Variants in RORA observed in about 807,000 individuals in gnomAD.
The protein encoded by RORA is RAR related orphan receptor A.
RORA carries 7 observed loss-of-function variants against 69.5 expected under a neutral mutation model. The ratio of observed to expected loss-of-function variants is 0.10; its 90% confidence interval spans 0.06 to 0.19. RORA has a LOEUF of 0.19. Among genes scored for constraint, RORA ranks in the 10% least tolerant of loss-of-function variants. RORA has a pLI of 1.00. For missense variants in RORA, 457 were observed against 663.0 expected (o/e 0.69, Z 3.41); for synonymous variants, 261 against 240.8 (o/e 1.08, Z -0.78).
chr15:61,140,813 T>C (rs1321435735), intron 1 of RORA, among the ~76,000 whole-genome samples: 1 of 152,166 alleles, frequency 6.6e-6, no homozygotes, highest in Non-Finnish European at 1.5e-5. Flanking sequence ...GAAACTATTG[T>C]ACCTTCATAT....
chr15:60,920,965 G>T (rs2062093), intron 1 of RORA, among the ~76,000 whole-genome samples: 1 of 151,928 alleles, frequency 6.6e-6, no homozygotes, highest in Non-Finnish European at 1.5e-5. Flanking sequence ...TGGGGCTCAT[G>T]ATCAACCCAG....
intron 2 of RORA, among the ~76,000 whole-genome samples, chr15:60,609,315 G>A (rs1203792293): frequency 6.6e-6 from 1 of 152,134 alleles, no homozygotes; most frequent in Non-Finnish European, 1.5e-5. Flanking sequence ...TAGGGCTTTT[G>A]AATTAAAACG....
At chr15:61,114,057 T>C (rs1245501090) in intron 1 of RORA, among the ~76,000 whole-genome samples, 3 of 152,198 alleles carry the variant, frequency 2.0e-5, no homozygotes, top group Non-Finnish European at 4.4e-5. Context: ...ACAGAAGCCC[T>C]GAAAACAGAA....
chr15:61,105,767 C>A (rs570459135), intron 1 of RORA, among the ~76,000 whole-genome samples: 1 of 152,340 alleles, frequency 6.6e-6, no homozygotes, highest in South Asian at 2.1e-4. Context: ...CTTACATGCT[C>A]TGAGCTTCTC....
intron 5 of RORA, among the ~76,000 whole-genome samples, chr15:60,508,075 C>G (rs1410025194): frequency 6.6e-6 from 1 of 152,214 alleles, no homozygotes; most frequent in Non-Finnish European, 1.5e-5. Flanking sequence ...AGATTTTAGA[C>G]ACTTTGCTAT....
At chr15:60,834,009 C>T (rs1478211291) in intron 1 of RORA, among the ~76,000 whole-genome samples, 1 of 152,226 alleles carries the variant, frequency 6.6e-6, no homozygotes, top group African/African-American at 2.4e-5. Context: ...AGAAGCTATC[C>T]TTTCTCTAAT....
intron 1 of RORA, among the ~76,000 whole-genome samples, chr15:61,141,922 C>T (rs1018254999): frequency 6.6e-6 from 1 of 152,042 alleles, no homozygotes; most frequent in Non-Finnish European, 1.5e-5. Flanking sequence ...GAAAGAGAGC[C>T]TGATGCCTGA....
intron 1 of RORA, among the ~76,000 whole-genome samples, chr15:60,951,946 C>T (rs1265176609): frequency 6.7e-6 from 1 of 149,762 alleles, no homozygotes; most frequent in Non-Finnish European, 1.5e-5. Context: ...TTTATGAGGC[C>T]AGCATCATTC....
chr15:60,922,506 A>G (rs1595818613), intron 1 of RORA, among the ~76,000 whole-genome samples: 1 of 152,234 alleles, frequency 6.6e-6, no homozygotes, highest in Non-Finnish European at 1.5e-5. Context: ...ACTCACATCC[A>G]TGATCATTAA....
intron 1 of RORA, among the ~76,000 whole-genome samples, chr15:61,009,997 T>C (rs182814443): frequency 9.2e-5 from 14 of 152,352 alleles, no homozygotes; most frequent in African/African-American, 3.1e-4. Context: ...TGTGTTGCCT[T>C]TTCTTCTTTG....
At chr15:60,779,742 A>G (rs552689016) in intron 1 of RORA, among the ~76,000 whole-genome samples, 1 of 152,272 alleles carries the variant, frequency 6.6e-6, no homozygotes, top group African/African-American at 2.4e-5. Flanking sequence ...CTTCCAACAA[A>G]CTTAACATGG....
chr15:60,680,269 T>C (rs539731053), intron 1 of RORA, among the ~76,000 whole-genome samples: 1 of 152,282 alleles, frequency 6.6e-6, no homozygotes, highest in Admixed American at 6.5e-5. Flanking sequence ...TTAGGCTGTC[T>C]CTCCTGATTA....
intron 1 of RORA, among the ~76,000 whole-genome samples, chr15:60,985,434 A>T (rs949553403): frequency 6.6e-6 from 1 of 152,188 alleles, no homozygotes; most frequent in African/African-American, 2.4e-5. Context: ...AGCAATCAGT[A>T]TATCTAATCC....
At chr15:61,096,855 C>T (rs889788234) in intron 1 of RORA, among the ~76,000 whole-genome samples, 1 of 152,220 alleles carries the variant, frequency 6.6e-6, no homozygotes, top group Admixed American at 6.5e-5. Flanking sequence ...AGATCAGCTT[C>T]TCTCTGGTGC....
At chr15:60,540,426 A>AC (rs1399354332) in intron 2 of RORA, among the ~76,000 whole-genome samples, 1 of 151,872 alleles carries the variant, frequency 6.6e-6, no homozygotes, top group Non-Finnish European at 1.5e-5. Flanking sequence ...TTAACCAATT[A>AC]CCCCCAACAT....
intron 1 of RORA, among the ~76,000 whole-genome samples, chr15:60,976,364 C>T (rs1442751084): frequency 6.6e-6 from 1 of 152,154 alleles, no homozygotes; most frequent in South Asian, 2.1e-4. Flanking sequence ...AGATCGCCCA[C>T]AAAGAAAAGA....
intron 2 of RORA, chr15:60,592,433 G>A (rs777556446): frequency 2.1e-6 from 3 of 1,429,360 alleles, no homozygotes; most frequent in South Asian, 1.4e-5. Flanking sequence ...CCGCGGTGCG[G>A]AGAGCGCAGG....
At chr15:61,200,406 T>C (rs2079884575) in intron 1 of RORA, among the ~76,000 whole-genome samples, 3 of 152,004 alleles carry the variant, frequency 2.0e-5, no homozygotes, top group African/African-American at 7.3e-5. Flanking sequence ...GGCAATAAAT[T>C]AACTTTCTGG....
intron 1 of RORA, among the ~76,000 whole-genome samples, chr15:60,787,624 A>G (rs1328233509): frequency 1.3e-5 from 2 of 152,244 alleles, no homozygotes; most frequent in Non-Finnish European, 2.9e-5. Context: ...TGTGAGAGAT[A>G]CTGAAAATGC....
Sources: allele counts gnomAD v4.1 joint callset (sites outside exome capture counted in the v4.1 genomes callset), GRCh38; gene constraint gnomAD v4.1.1; transcripts MANE v1.5; gene names NCBI Gene and HGNC (gene_info 2026-07-23, HGNC 2026-07-21).